Variants in KCND3 observed in about 807,000 individuals in gnomAD.
KCND3 encodes the protein A-type voltage-gated potassium channel KCND3.
Under a neutral mutation model 51.1 loss-of-function variants are expected in KCND3, and 9 were observed. That is an observed-to-expected ratio of 0.18 (90% CI 0.11 to 0.31). The LOEUF is 0.31. Ranked by LOEUF, KCND3 falls within the 10% of genes least tolerant of loss-of-function variation. The probability of loss-of-function intolerance (pLI) is 1.00; values close to 1 mark genes in which losing one functional copy is unlikely to be tolerated. For synonymous variants in KCND3, 349 were observed against 368.0 expected (o/e 0.95, Z 0.59); for missense variants, 526 against 903.8 (o/e 0.58, Z 5.36).
chr1:111,840,693 C>T (rs1259600234), intron 2 of KCND3, among the ~76,000 whole-genome samples: 1 of 152,110 alleles, frequency 6.6e-6, no homozygotes, highest in Non-Finnish European at 1.5e-5. Flanking sequence ...AGCTGTATTC[C>T]CCTTTGGCTC....
rs575622523 is a variant in KCND3, at chr1:111,958,371, C to T, written c.1106+23250G>A. Among the ~76,000 whole-genome samples the T allele has an allele frequency of 3.3e-5, 5 of 152,252 alleles. No homozygotes were observed. In the South Asian group the frequency reaches 1.0e-3, roughly 32 times the overall value. ...GGTAGGAGAGAGCCTCAGGTCCATTCGCAGTGCTCAGAAGCAGAGTCATTC... is the reference window on the plus strand; with the variant it reads ...GGTAGGAGAGAGCCTCAGGTCCATTTGCAGTGCTCAGAAGCAGAGTCATTC... On this transcript the variant is annotated intron_variant, in intron 2 of 7. Coordinates refer to ENST00000302127, the MANE Select transcript of KCND3 (RefSeq NM_001378969.1).
At chr1:111,910,961 GGCATCATCGTGAA>G (rs1184340638) in intron 2 of KCND3, 1 of 152,198 alleles carries the variant, frequency 6.6e-6, no homozygotes, top group Non-Finnish European at 1.5e-5. Flanking sequence ...CAATTGCTCT[GGCATCATCGTGAA>G]TAGACCTATG....
chr1:111,925,578 G>C (rs1007214023), intron 2 of KCND3, among the ~76,000 whole-genome samples: 3 of 152,300 alleles, frequency 2.0e-5, no homozygotes, highest in Non-Finnish European at 2.9e-5. Flanking sequence ...AATCTCTCTG[G>C]GGCTCGGTTT....
chr1:111,822,197 C>T (rs961073119), intron 2 of KCND3, among the ~76,000 whole-genome samples: 4 of 151,540 alleles, frequency 2.6e-5, no homozygotes, highest in African/African-American at 7.3e-5. Context: ...ATATGTTTGT[C>T]GTGTAAGCAA....
intron 2 of KCND3, among the ~76,000 whole-genome samples, chr1:111,794,498 A>G (rs1009541370): frequency 1.3e-5 from 2 of 152,210 alleles, no homozygotes; most frequent in Non-Finnish European, 2.9e-5. Flanking sequence ...TCTCAGCCTC[A>G]CTGCCACACC....
At chr1:111,925,813 C>T (rs1473585588) in intron 2 of KCND3, among the ~76,000 whole-genome samples, 1 of 151,912 alleles carries the variant, frequency 6.6e-6, no homozygotes, top group East Asian at 1.9e-4. Context: ...TGATGTAACT[C>T]GAAAAAAGAC....
At chr1:111,950,907 A>G (rs564901655) in intron 2 of KCND3, among the ~76,000 whole-genome samples, 2 of 152,356 alleles carry the variant, frequency 1.3e-5, no homozygotes, top group Non-Finnish European at 1.5e-5. Context: ...ATTGTGGCTT[A>G]TGCCTGTAAT....
chr1:111,798,292 C>CCT lies in KCND3; in HGVS notation c.1107-11188_1107-11187dup, dbSNP rs141871834. Among the ~76,000 whole-genome samples the CCT allele has an allele frequency of 4.9e-3, 745 of 151,366 alleles. 7 individuals carry two copies. The highest frequency in any genetic ancestry group is 0.017 in the African/African-American group (703 of 41,320). ...GGCCTTTCTCTCAACTGGGAATGGC[C>CCT]CTCTCTCTCTCTCTTTGCTAGGTAA... is the stretch of plus-strand genomic sequence containing the variant. On this transcript the variant is annotated intron_variant, in intron 2 of 7. Transcript: ENST00000302127.
intron 2 of KCND3, among the ~76,000 whole-genome samples, chr1:111,948,240 T>A (rs181501131): frequency 7.4e-4 from 112 of 152,318 alleles, no homozygotes; most frequent in Non-Finnish European, 1.2e-3. Context: ...ACGGGGCTGG[T>A]GCTGGCCATG....
intron 2 of KCND3, among the ~76,000 whole-genome samples, chr1:111,824,302 T>C (rs979452484): frequency 1.3e-5 from 2 of 152,152 alleles, no homozygotes; most frequent in Non-Finnish European, 2.9e-5. Flanking sequence ...TGTTGACCAG[T>C]TGGTTGACTT....
intron 2 of KCND3, among the ~76,000 whole-genome samples, chr1:111,877,829 A>C (rs1329676312): frequency 6.6e-6 from 1 of 152,154 alleles, no homozygotes; most frequent in Non-Finnish European, 1.5e-5. Context: ...TGGACTGTAC[A>C]TTTGTGGTGG....
At chr1:111,968,434 A>C (rs969681896) in intron 2 of KCND3, among the ~76,000 whole-genome samples, 23 of 152,228 alleles carry the variant, frequency 1.5e-4, no homozygotes, top group African/African-American at 5.1e-4. Context: ...AATGGCATGA[A>C]AAAGAATGAG....
At chr1:111,933,676 C>T (rs951373040) in intron 2 of KCND3, among the ~76,000 whole-genome samples, 7 of 152,162 alleles carry the variant, frequency 4.6e-5, no homozygotes, top group Admixed American at 2.6e-4. Flanking sequence ...CCAAGCTCCA[C>T]CTTTCAAAGC....
chr1:111,797,482 T>C (rs1351993916), intron 2 of KCND3, among the ~76,000 whole-genome samples: 1 of 152,198 alleles, frequency 6.6e-6, no homozygotes, highest in Non-Finnish European at 1.5e-5. Flanking sequence ...TTGTTAGGAC[T>C]GGGAATACAA....
At chr1:111,977,108 G>A (rs1293345186) in intron 2 of KCND3, among the ~76,000 whole-genome samples, 2 of 152,234 alleles carry the variant, frequency 1.3e-5, no homozygotes, top group Non-Finnish European at 2.9e-5. Flanking sequence ...CCCCTAGGCA[G>A]GGGCCCACCC....
In KCND3 at chr1:111,982,838, T is replaced by C. The variant is rs1675041991; in HGVS notation, c.-72-40A>G. 15 of 1,423,020 alleles carry C rather than the reference T, an allele frequency of 1.1e-5. No individual in the cohort carries two copies. Among genetic ancestry groups the C allele is most frequent in the Admixed American group, 2.0e-5 (1 of 50,582 alleles). 88.1% of individuals were successfully genotyped at this position (1,423,020 alleles called of 1,614,324 possible). ...GGGAGAGAGAGAAGCGGTGAGTCCA[T>C]ATCGACTGGCAGGTAAGAAATGGGA... On this transcript the variant is annotated intron_variant, in intron 1 of 7. Coordinates refer to ENST00000302127, the MANE Select transcript of KCND3 (RefSeq NM_001378969.1). The surrounding 1 kb of genome is among the most constrained non-coding windows in gnomAD (Gnocchi z 8.5).
intron 2 of KCND3, among the ~76,000 whole-genome samples, chr1:111,902,940 G>A (rs1442037363): frequency 6.6e-6 from 1 of 152,126 alleles, no homozygotes. Flanking sequence ...TATTTTTAAA[G>A]ATCCGTATTT....
intron 2 of KCND3, among the ~76,000 whole-genome samples, chr1:111,894,531 CTTAT>C (rs1296410191): frequency 6.6e-6 from 1 of 152,204 alleles, no homozygotes; most frequent in East Asian, 1.9e-4. Flanking sequence ...GGAACTTGGT[CTTAT>C]TTTTGGCTCT....
In KCND3 at chr1:111,973,198, G is replaced by A. The variant is rs143684464; in HGVS notation, c.1106+8423C>T. On this transcript the variant is annotated intron_variant, in intron 2 of 7. Transcript: ENST00000302127. ...CAATAACTGGCTGGGAAATAGAGAT[G>A]GAAGGAAAGATGGAGGACTATGCCA... 4.1e-3 allele frequency among the ~76,000 whole-genome samples: 628 copies of A among 152,296 alleles called. 4 individuals carry two copies. The highest frequency in any genetic ancestry group is 0.013 in the African/African-American group (550 of 41,568).
Sources: allele counts gnomAD v4.1 joint callset (sites outside exome capture counted in the v4.1 genomes callset), GRCh38; gene constraint gnomAD v4.1.1; non-coding constraint Gnocchi (gnomAD v3.1); transcripts MANE v1.5; gene names NCBI Gene and HGNC (gene_info 2026-07-23, HGNC 2026-07-21).